The following NT5C2 variants were observed in gnomAD, a reference collection of about 807,000 sequenced individuals.
The protein encoded by NT5C2 is cytosolic purine 5'-nucleotidase.
A neutral mutation model predicts 76.1 loss-of-function variants in NT5C2; 58 were observed. That is an observed-to-expected ratio of 0.76 (90% confidence interval 0.62 to 0.95). The LOEUF (loss-of-function observed/expected upper bound fraction) is 0.95. NT5C2 is among the 40% of genes least tolerant of loss of function. The probability of loss-of-function intolerance (pLI) is 0.00; values close to 1 mark genes in which losing one functional copy is unlikely to be tolerated. For missense variants in NT5C2, 478 were observed against 690.3 expected (o/e 0.69, Z 3.45); for synonymous variants, 229 against 237.4 (o/e 0.96, Z 0.32).
intron 4 of NT5C2, among the ~76,000 whole-genome samples, chr10:103,128,724 T>G (rs1451081627): frequency 9.8e-4 from 40 of 40,688 alleles, no homozygotes; most frequent in African/African-American, 3.7e-3. Context: ...CGCCGCCCCA[T>G]CTGGGATGTG....
chr10:103,138,356 G>C (rs1310753779), intron 4 of NT5C2, among the ~76,000 whole-genome samples: 2 of 152,140 alleles, frequency 1.3e-5, no homozygotes, highest in African/African-American at 4.8e-5. Context: ...GTGGTTTGCT[G>C]CACCTATAAA....
intron 4 of NT5C2, chr10:103,111,888 G>T (rs1171024805): frequency 2.3e-6 from 2 of 863,462 alleles, no homozygotes; most frequent in Non-Finnish European, 1.5e-6. Context: ...GGCTGGAACA[G>T]AGAGATACCA....
chr10:103,174,763 TTTAC>T, intron 3 of NT5C2, 91 bp downstream of exon 3: 2 of 853,824 alleles, frequency 2.3e-6, no homozygotes, highest in Non-Finnish European at 4.0e-6. Flanking sequence ...ATCTGGGTTA[TTTAC>T]TTAACCTCTC....
chr10:103,161,411 TATG>T (rs142675879), intron 3 of NT5C2, among the ~76,000 whole-genome samples: 1,889 of 152,268 alleles, frequency 0.012, 50 homozygotes, highest in African/African-American at 0.043. Flanking sequence ...CTCCTGGTAT[TATG>T]ATGCAATTTG....
At chr10:103,100,803 G>A (rs1363457200) in intron 8 of NT5C2, 1 of 641,532 alleles carries the variant, frequency 1.6e-6, no homozygotes, top group East Asian at 3.1e-5. Flanking sequence ...TTCATTCCCA[G>A]GAGAAGCCAA....
intron 18 of NT5C2, 105 bp from the exon 19 acceptor site, chr10:103,090,013 T>G: frequency 1.2e-6 from 1 of 809,420 alleles, no homozygotes; most frequent in Non-Finnish European, 1.9e-6. Context: ...ATTACATCTA[T>G]AATGGACCAC....
intron 4 of NT5C2, among the ~76,000 whole-genome samples, chr10:103,129,514 G>C (rs1470081549): frequency 8.1e-6 from 1 of 123,294 alleles, no homozygotes; most frequent in South Asian, 2.8e-4. Flanking sequence ...CGCCCCGTCC[G>C]GGAGGGAGGT....
chr10:103,147,497 A>C (rs2081679127), intron 3 of NT5C2, among the ~76,000 whole-genome samples: 1 of 152,258 alleles, frequency 6.6e-6, no homozygotes, highest in Non-Finnish European at 1.5e-5. Context: ...ACTATGTGAC[A>C]GTAATGTCTC....
At chr10:103,156,138 G>A (rs2083317488) in intron 3 of NT5C2, among the ~76,000 whole-genome samples, 1 of 152,104 alleles carries the variant, frequency 6.6e-6, no homozygotes, top group Non-Finnish European at 1.5e-5. Context: ...TCCAGCCTGA[G>A]CAACAGAGTG....
rs143051102 is a variant in NT5C2 at position 103,145,724 on chromosome 10, A to G, written c.102-6245T>C. 1.2e-3 allele frequency among the ~76,000 whole-genome samples: 178 copies of G among 152,322 alleles called. 1 individual carries two copies. Among genetic ancestry groups the G allele is most frequent in the African/African-American group, 4.0e-3 (167 of 41,572 alleles). On this transcript the variant is annotated intron_variant, in intron 3 of 18. Transcript: ENST00000404739. ...TAAGTCTTTGTAAGTTGCAGATTTG[A>G]GCATTAACATGAAAAACAATCTCTA...
At chr10:103,134,715 C>T (rs1046371603) in intron 4 of NT5C2, among the ~76,000 whole-genome samples, 1 of 152,202 alleles carries the variant, frequency 6.6e-6, no homozygotes, top group Admixed American at 6.5e-5. Context: ...CCACTGACAG[C>T]TTGCACCGTG....
intron 4 of NT5C2, among the ~76,000 whole-genome samples, chr10:103,124,076 C>A (rs540059441): frequency 6.6e-6 from 1 of 152,154 alleles, no homozygotes; most frequent in Non-Finnish European, 1.5e-5. Context: ...TTTGTGTTAA[C>A]TTCATGAAAT....
chr10:103,127,081 G>C (rs1160027766), intron 4 of NT5C2, among the ~76,000 whole-genome samples: 3 of 152,150 alleles, frequency 2.0e-5, no homozygotes, highest in African/African-American at 7.2e-5. Flanking sequence ...GGAGAGTTGA[G>C]GTTTTCGATT....
At chr10:103,125,635 G>T (rs2076521036) in intron 4 of NT5C2, among the ~76,000 whole-genome samples, 1 of 152,084 alleles carries the variant, frequency 6.6e-6, no homozygotes. Context: ...TGAAGCCTCA[G>T]AACTAGATTT....
chr10:103,138,195 T>C (rs190016448), intron 4 of NT5C2, among the ~76,000 whole-genome samples: 13 of 152,308 alleles, frequency 8.5e-5, no homozygotes, highest in South Asian at 8.3e-4. Context: ...CAGCTGACCA[T>C]TGGGAAGACT....
intron 1 of NT5C2, among the ~76,000 whole-genome samples, chr10:103,184,140 C>T (rs772315144): frequency 1.3e-4 from 20 of 152,016 alleles, no homozygotes; most frequent in Non-Finnish European, 2.1e-4. Flanking sequence ...TTAGTACAGA[C>T]GGGGTTTCAC....
intron 4 of NT5C2, among the ~76,000 whole-genome samples, chr10:103,128,061 C>T (rs1469707149): frequency 1.5e-5 from 2 of 131,636 alleles, no homozygotes; most frequent in African/African-American, 6.1e-5. Flanking sequence ...CTCTCCCTCT[C>T]CCTCTCCCTC....
rs117374691 is a variant in NT5C2, at chr10:103,169,798, T to C, written c.101+5060A>G. Among the ~76,000 whole-genome samples, 241 of 151,986 alleles carry C rather than the reference T, an allele frequency of 1.6e-3. 1 individual carries two copies. In the East Asian group the frequency reaches 0.026, roughly 16 times the overall value. On this transcript the variant is annotated intron_variant, in intron 3 of 18. Transcript: ENST00000404739. ...AAGATCAAAACCAGCTTGGACAACA[T>C]AGTGAGACCACATCTCTAGAAAAAA...
At chr10:103,141,411 T>C (rs1352082261) in intron 3 of NT5C2, among the ~76,000 whole-genome samples, 2 of 152,056 alleles carry the variant, frequency 1.3e-5, no homozygotes, top group African/African-American at 2.4e-5. Flanking sequence ...TGAGCCAAGA[T>C]CACACCACTG....
Sources: gnomAD v4.1 joint callset for allele counts (sites outside exome capture counted in the v4.1 genomes callset) on GRCh38, gnomAD v4.1.1 for gene constraint, MANE v1.5 for transcripts, NCBI Gene and HGNC (gene_info 2026-07-23, HGNC 2026-07-21) for gene names.